The following GDA variants were observed in gnomAD, a reference collection of about 807,000 sequenced individuals.
GDA encodes guanine deaminase.
Under a neutral mutation model 59.6 loss-of-function variants are expected in GDA, and 18 were observed. The ratio of observed to expected loss-of-function variants is 0.30; its 90% CI spans 0.21 to 0.45. The LOEUF (loss-of-function observed/expected upper bound fraction) is 0.45. GDA is among the 20% of genes least tolerant of loss of function. The pLI, the probability that GDA is intolerant of heterozygous loss-of-function variation, is 1.00. For synonymous variants in GDA, 201 were observed against 201.1 expected, an observed-to-expected ratio of 1.00 and a Z score of 0.00; for missense variants, 427 against 552.3, an observed-to-expected ratio of 0.77 and a Z score of 2.27.
intron 1 of GDA, among the ~76,000 whole-genome samples, chr9:72,163,188 A>G (rs528684208): frequency 6.6e-6 from 1 of 152,192 alleles, no homozygotes; most frequent in African/African-American, 2.4e-5. Flanking sequence ...GAAAGGGAAG[A>G]GCTTTCCTGG....
In GDA at chr9:72,177,401, A is replaced by G. The variant is rs547063683; in HGVS notation, c.124-18099A>G. On this transcript the variant is annotated intron_variant, in intron 1 of 13. Transcript: ENST00000358399. ...GTGAGCCACCGTGCCTGGACAAAAC[A>G]TCTGTTTTTAAAACTTTAAAACTTG... Among the ~76,000 whole-genome samples, 27 of 152,180 alleles carry G rather than the reference A, an allele frequency of 1.8e-4. No individual in the cohort carries two copies. In the Middle Eastern group the frequency reaches 0.01, roughly 58 times the overall value.
At chr9:72,120,969 C>G (rs182328412) in intron 1 of GDA, among the ~76,000 whole-genome samples, 1 of 152,106 alleles carries the variant, frequency 6.6e-6, no homozygotes, top group African/African-American at 2.4e-5. Flanking sequence ...TCTTCCCCTG[C>G]CTTCTTGGGG....
In GDA at chr9:72,251,543, G is replaced by A. The variant is rs1185425939; in HGVS notation, c.*3201G>A. 1 of 152,144 alleles carries A rather than the reference G, an allele frequency of 6.6e-6. No individual in the cohort carries two copies. The highest frequency in any genetic ancestry group is 2.4e-5 in the African/African-American group (1 of 41,434). 9.4% of individuals were successfully genotyped at this position (152,144 alleles called of 1,614,324 possible). A position where few individuals can be genotyped will look rare whatever the true frequency, so the allele number is the denominator to read the frequency against. ...GCTGGAAACATTCACACGCTTAAAA[G>A]CAATGGTGTGAGTTATTAATGGGTA... On this transcript the variant is annotated 3_prime_UTR_variant, in exon 14 of 14. Coordinates refer to ENST00000358399, the MANE Select transcript of GDA (RefSeq NM_004293.5).
intron 1 of GDA, among the ~76,000 whole-genome samples, chr9:72,169,579 G>A (rs76815251): frequency 8.4e-4 from 128 of 152,238 alleles, no homozygotes; most frequent in Non-Finnish European, 1.6e-3. Context: ...TTGCAGGTTC[G>A]TATAAATTTT....
intron 1 of GDA, among the ~76,000 whole-genome samples, chr9:72,168,722 G>A (rs756222931): frequency 7.9e-5 from 12 of 152,158 alleles, no homozygotes; most frequent in Non-Finnish European, 1.6e-4. Flanking sequence ...GCCAGGCACT[G>A]CTCTAAATCT....
At chr9:72,143,961 T>A (rs1405669333) in intron 1 of GDA, among the ~76,000 whole-genome samples, 1 of 152,144 alleles carries the variant, frequency 6.6e-6, no homozygotes, top group Non-Finnish European at 1.5e-5. Flanking sequence ...GTGGCTCATG[T>A]CTGTAATCCC....
intron 1 of GDA, among the ~76,000 whole-genome samples, chr9:72,119,093 TA>T (rs1186004813): frequency 2.6e-5 from 4 of 152,224 alleles, no homozygotes; most frequent in African/African-American, 7.2e-5. Context: ...AAATATGAGT[TA>T]TATGCCAAAA....
At chr9:72,145,990 G>A (rs1015523496), upstream of GDA, among the ~76,000 whole-genome samples, 2 of 152,156 alleles carry the variant, frequency 1.3e-5, no homozygotes, top group Non-Finnish European at 2.9e-5. Flanking sequence ...TACACAGAAA[G>A]AAAGAGGACA....
chr9:72,233,955 A>T (rs1048602090), intron 10 of GDA, among the ~76,000 whole-genome samples: 1 of 152,164 alleles, frequency 6.6e-6, no homozygotes, highest in Non-Finnish European at 1.5e-5. Context: ...ATTAATAAAT[A>T]AATGAAAGAA....
At position 72,245,162 on chromosome 9, in the gene GDA, G is replaced by A; in HGVS notation, c.1150G>A (p.Gly384Ser). The A allele has an allele frequency of 6.2e-7, 1 of 1,613,646 alleles. No homozygotes were observed. The highest frequency in any genetic ancestry group is 8.5e-7 in the Non-Finnish European group (1 of 1,179,642). The change falls in exon 12 of 14, where the codon GGT becomes AGT. Residue 384 changes from glycine to serine, a missense_variant. By Grantham distance (56) the Gly-to-Ser change is moderately conservative. Transcript: ENST00000358399. Reference protein sequence around the residue: ...LGGSQALGLDGEIGNFEVGKE... With the variant: ...LGGSQALGLDSEIGNFEVGKE... ...GTTCTCAATAGCCCTGGGGCTGGAT[G>A]GTGAGATTGGAAACTTTGAAGTGGG...
chr9:72,219,848 C>G (rs1182608376), intron 6 of GDA, among the ~76,000 whole-genome samples: 1 of 152,172 alleles, frequency 6.6e-6, no homozygotes, highest in African/African-American at 2.4e-5. Flanking sequence ...ATCCTCAGAA[C>G]TTGTTCATGT....
chr9:72,210,637 G>T, intron 3 of GDA, 50 bp from the exon 4 acceptor site: 1 of 1,007,024 alleles, frequency 9.9e-7, no homozygotes, highest in Non-Finnish European at 1.6e-6. Flanking sequence ...GATGTACCAT[G>T]TGACTTTTCT....
intron 1 of GDA, among the ~76,000 whole-genome samples, chr9:72,153,272 G>A (rs1345428944): frequency 1.1e-4 from 17 of 151,940 alleles, no homozygotes; most frequent in South Asian, 8.3e-4. Context: ...TTGGTGATGC[G>A]GGCTCTTTTT....
chr9:72,216,256 G>A (rs1046135824), intron 5 of GDA, among the ~76,000 whole-genome samples: 4 of 152,170 alleles, frequency 2.6e-5, no homozygotes, highest in Non-Finnish European at 5.9e-5. Context: ...CCTGTTCTAG[G>A]AGAAATGGGA....
chr9:72,249,291 A>G lies in GDA; in HGVS notation c.*949A>G, dbSNP rs917163780. ...AGGACAGGTTCCATTGCCATGGCCTATTCCACCCAAACAATATGTTGTAGT... is the reference window on the plus strand; with the variant it reads ...AGGACAGGTTCCATTGCCATGGCCTGTTCCACCCAAACAATATGTTGTAGT... On this transcript the variant is annotated 3_prime_UTR_variant, in exon 14 of 14. Transcript: ENST00000358399. 2.3e-4 allele frequency: 227 copies of G among 985,184 alleles called. No homozygotes were observed. Among genetic ancestry groups the G allele is most frequent in the Non-Finnish European group, 2.5e-4 (211 of 829,806 alleles). 61.0% of individuals were successfully genotyped at this position (985,184 alleles called of 1,614,324 possible).
At chr9:72,131,660 C>CACACAG (rs905734407) in intron 1 of GDA, among the ~76,000 whole-genome samples, 4 of 151,876 alleles carry the variant, frequency 2.6e-5, no homozygotes, top group Admixed American at 2.6e-4. Flanking sequence ...CACACACACA[C>CACACAG]ACAAACACAC....
chr9:72,116,227 TG>T (rs1479585753), intron 1 of GDA, among the ~76,000 whole-genome samples: 1 of 121,010 alleles, frequency 8.3e-6, no homozygotes, highest in African/African-American at 2.6e-5. Flanking sequence ...AGAATGAAAC[TG>T]TCTCAAAAAA....
At chr9:72,224,691 G>A (rs1325705023) in intron 7 of GDA, among the ~76,000 whole-genome samples, 1 of 152,082 alleles carries the variant, frequency 6.6e-6, no homozygotes, top group Admixed American at 6.6e-5. Flanking sequence ...TCTCAATCCT[G>A]CTGCATCCGG....
intron 1 of GDA, among the ~76,000 whole-genome samples, chr9:72,175,722 G>A (rs1043759826): frequency 7.3e-4 from 110 of 151,506 alleles, no homozygotes; most frequent in Admixed American, 5.8e-3. Flanking sequence ...GTCAGAGTGG[G>A]AAGAATTAAT....
Sources: allele counts gnomAD v4.1 joint callset (sites outside exome capture counted in the v4.1 genomes callset), GRCh38; gene constraint gnomAD v4.1.1; transcripts MANE v1.5; gene names NCBI Gene and HGNC (gene_info 2026-07-23, HGNC 2026-07-21).